Variants in NRXN1 observed in about 807,000 individuals in gnomAD.
NRXN1 encodes neurexin-1.
NRXN1 carries 39 observed loss-of-function variants against 150.9 expected under a neutral mutation model. That is an observed-to-expected ratio of 0.26 (90% CI 0.20 to 0.34). NRXN1 has a LOEUF of 0.34. Ranked by LOEUF, NRXN1 falls within the 10% of genes least tolerant of loss-of-function variation. NRXN1 has a pLI of 1.00. For missense variants in NRXN1, 1,815 were observed against 1,949.9 expected (o/e 0.93, Z 1.30); for synonymous variants, 924 against 757.0 (o/e 1.22, Z -3.62).
In NRXN1 at chr2:50,097,317, C is replaced by T. The variant is rs143351060; in HGVS notation, c.3547-5823G>A. 2.8e-3 allele frequency among the ~76,000 whole-genome samples: 427 copies of T among 152,298 alleles called. 1 individual carries two copies. Among genetic ancestry groups the T allele is most frequent in the African/African-American group, 9.6e-3 (398 of 41,572 alleles). The stretch of plus-strand genomic sequence containing the variant: ...CTTCTGTCATGCACCATAGTACAGT[C>T]CAGTACTCCAGGGCCCCACTTTGGA... On this transcript the variant is annotated intron_variant, in intron 18 of 22. Transcript: ENST00000401669.
At chr2:50,519,974 C>T (rs962482040) in intron 12 of NRXN1, among the ~76,000 whole-genome samples, 3 of 151,878 alleles carry the variant, frequency 2.0e-5, no homozygotes, top group African/African-American at 4.8e-5. Context: ...AAAGACAGGA[C>T]ATAATGTTTA....
chr2:50,727,586 T>TA (rs1444974154), intron 5 of NRXN1, among the ~76,000 whole-genome samples: 1 of 152,102 alleles, frequency 6.6e-6, no homozygotes, highest in Non-Finnish European at 1.5e-5. Context: ...AAATACATCT[T>TA]AAAAAAACCT....
chr2:50,191,962 C>T (rs1364914271), intron 18 of NRXN1, among the ~76,000 whole-genome samples: 1 of 151,986 alleles, frequency 6.6e-6, no homozygotes, highest in Non-Finnish European at 1.5e-5. Context: ...TTATAAAGAA[C>T]CAATTGTTCA....
chr2:50,849,736 C>T (rs1047560706), intron 5 of NRXN1, among the ~76,000 whole-genome samples: 8 of 152,186 alleles, frequency 5.3e-5, no homozygotes, highest in South Asian at 2.1e-4. Flanking sequence ...TTCCTGTGTG[C>T]TATCTTTCTT....
chr2:49,932,372 A>G (rs1262070878), intron 22 of NRXN1, among the ~76,000 whole-genome samples: 1 of 152,154 alleles, frequency 6.6e-6, no homozygotes, highest in African/African-American at 2.4e-5. Flanking sequence ...AGTGAGCCAT[A>G]ACTGCAGCAC....
intron 12 of NRXN1, among the ~76,000 whole-genome samples, chr2:50,528,211 T>C (rs2093006703): frequency 6.6e-6 from 1 of 151,292 alleles, no homozygotes; most frequent in Admixed American, 6.6e-5. Flanking sequence ...ATGGGTTTAA[T>C]AGTAACTCTC....
intron 5 of NRXN1, among the ~76,000 whole-genome samples, chr2:50,719,661 G>C (rs1256299553): frequency 6.6e-6 from 1 of 152,004 alleles, no homozygotes; most frequent in Non-Finnish European, 1.5e-5. Context: ...AGGCGACAGT[G>C]CAAGACTCTG....
chr2:50,198,024 C>T (rs1226133560), intron 18 of NRXN1, among the ~76,000 whole-genome samples: 1 of 152,118 alleles, frequency 6.6e-6, no homozygotes, highest in Non-Finnish European at 1.5e-5. Flanking sequence ...AGACAACTCC[C>T]TCCTTATTCT....
chr2:50,272,199 A>G (rs1164502873), intron 17 of NRXN1, among the ~76,000 whole-genome samples: 2 of 152,160 alleles, frequency 1.3e-5, no homozygotes, highest in African/African-American at 4.8e-5. Flanking sequence ...AGAAAACAAG[A>G]AGTTCTGTAA....
chr2:50,290,455 C>G (rs993118293), intron 17 of NRXN1, among the ~76,000 whole-genome samples: 2 of 152,164 alleles, frequency 1.3e-5, no homozygotes, highest in African/African-American at 4.8e-5. Flanking sequence ...TGATACAAGT[C>G]ATAGGCATAA....
intron 21 of NRXN1, among the ~76,000 whole-genome samples, chr2:49,992,541 C>G (rs1366694349): frequency 3.3e-5 from 5 of 152,022 alleles, no homozygotes; most frequent in Admixed American, 3.3e-4. Flanking sequence ...TCCTGCCTAG[C>G]AACAGAGTGA....
intron 5 of NRXN1, among the ~76,000 whole-genome samples, chr2:50,876,343 T>A (rs1678588223): frequency 6.7e-6 from 1 of 150,154 alleles, no homozygotes; most frequent in Non-Finnish European, 1.5e-5. Flanking sequence ...ACTTAGGAAG[T>A]CACAAAAAAT....
At chr2:50,505,342 A>G (rs935374689) in intron 13 of NRXN1, among the ~76,000 whole-genome samples, 4 of 152,210 alleles carry the variant, frequency 2.6e-5, no homozygotes, top group African/African-American at 9.6e-5. Context: ...AAATGGGAAT[A>G]TGTGTGTCCT....
In NRXN1 at chr2:50,472,729, G is replaced by A. The variant is rs116483537; in HGVS notation, c.3071-258C>T. Among the ~76,000 whole-genome samples the A allele has an allele frequency of 4.9e-3, 743 of 151,578 alleles. 6 individuals are homozygous for A. The highest frequency in any genetic ancestry group is 0.017 in the African/African-American group (712 of 41,320). Reference sequence around the variant, plus strand: ...ATGTGGTCAAATTGAAGGAATGTGGGCTAGCTATAGAGATGCATACCCTTG... The same window carrying A: ...ATGTGGTCAAATTGAAGGAATGTGGACTAGCTATAGAGATGCATACCCTTG... On this transcript the variant is annotated intron_variant, in intron 15 of 22. Transcript: ENST00000401669.
At chr2:50,298,374 C>T (rs116678251) in intron 17 of NRXN1, among the ~76,000 whole-genome samples, 2 of 152,062 alleles carry the variant, frequency 1.3e-5, no homozygotes, top group East Asian at 3.9e-4. Flanking sequence ...GGTTATGATG[C>T]CTCAGTTTGA....
At chr2:50,493,499 C>T (rs893926107) in intron 15 of NRXN1, among the ~76,000 whole-genome samples, 1 of 152,120 alleles carries the variant, frequency 6.6e-6, no homozygotes, top group Non-Finnish European at 1.5e-5. Flanking sequence ...GAGAGCTTTG[C>T]ATTGCAGAAA....
At chr2:50,426,060 G>C (rs1431564471) in intron 17 of NRXN1, among the ~76,000 whole-genome samples, 1 of 152,158 alleles carries the variant, frequency 6.6e-6, no homozygotes, top group Non-Finnish European at 1.5e-5. Context: ...TACAGCTTTT[G>C]TGATACCTGA....
At chr2:51,014,080 G>T (rs992029532) in intron 2 of NRXN1, among the ~76,000 whole-genome samples, 1 of 152,136 alleles carries the variant, frequency 6.6e-6, no homozygotes, top group South Asian at 2.1e-4. Flanking sequence ...TCCAAGGCAT[G>T]ATGGGAAATT....
intron 2 of NRXN1, among the ~76,000 whole-genome samples, chr2:50,952,016 G>C (rs2104595110): frequency 7.3e-6 from 1 of 136,504 alleles, no homozygotes; most frequent in East Asian, 2.2e-4. Flanking sequence ...GCCCAGGCTG[G>C]AGTGCAGTGG....
Sources: allele counts gnomAD v4.1 joint callset (sites outside exome capture counted in the v4.1 genomes callset), GRCh38; gene constraint gnomAD v4.1.1; transcripts MANE v1.5; gene names NCBI Gene and HGNC (gene_info 2026-07-23, HGNC 2026-07-21).